SHANK2: variants seen among roughly 807,000 people sequenced by gnomAD.
SHANK2 encodes the protein SH3 and multiple ankyrin repeat domains 2.
SHANK2 carries 43 observed loss-of-function variants against 133.7 expected under a neutral mutation model. The observed-to-expected ratio is 0.32, with a 90% CI of 0.25 to 0.41. SHANK2 has a LOEUF of 0.41. Among genes scored for constraint, SHANK2 ranks in the 10% least tolerant of loss-of-function variants. The pLI is 1.00. For synonymous variants in SHANK2, 1,017 were observed against 952.8 expected (o/e 1.07, Z -1.24); for missense variants, 1,994 against 2,235.8 (o/e 0.89, Z 2.18).
chr11:71,138,396 G>A (rs1371918871), intron 3 of SHANK2, among the ~76,000 whole-genome samples: 2 of 152,212 alleles, frequency 1.3e-5, no homozygotes, highest in African/African-American at 4.8e-5. Context: ...TGCAAATGCG[G>A]TAATTATGTG....
chr11:70,637,452 G>A (rs1353202071), intron 17 of SHANK2, among the ~76,000 whole-genome samples: 2 of 152,086 alleles, frequency 1.3e-5, no homozygotes, highest in African/African-American at 4.8e-5. Context: ...CTCCTGGCCG[G>A]GCCACGGCCA....
chr11:71,057,971 C>T lies in SHANK2; in HGVS notation c.1030-1413G>A, dbSNP rs1049099981. Reference sequence around the variant, plus strand: ...GTCTGTCACCCAGGCTAGAGTGCAGCGGTGCGATCACAGCTCACAGCAGCC... The same window carrying T: ...GTCTGTCACCCAGGCTAGAGTGCAGTGGTGCGATCACAGCTCACAGCAGCC... On this transcript the variant is annotated intron_variant, in intron 9 of 25. Coordinates refer to ENST00000601538, the MANE Select transcript of SHANK2 (RefSeq NM_012309.5). Among the ~76,000 whole-genome samples the T allele has an allele frequency of 4.5e-3, 629 of 140,128 alleles. 3 individuals are homozygous for T. The highest frequency in any genetic ancestry group is 0.016 in the African/African-American group (563 of 34,640). The allele number at this position is 140,128 out of a possible 152,430, so 91.9% of individuals were successfully genotyped here.
intron 10 of SHANK2, among the ~76,000 whole-genome samples, chr11:70,950,793 A>G (rs1337780880): frequency 2.7e-5 from 4 of 145,694 alleles, no homozygotes; most frequent in Non-Finnish European, 4.6e-5. Context: ...GTGTGTGTGT[A>G]TGTGTGGGTG....
chr11:70,774,593 G>C (rs1947323470), intron 14 of SHANK2, among the ~76,000 whole-genome samples: 1 of 152,114 alleles, frequency 6.6e-6, no homozygotes, highest in Non-Finnish European at 1.5e-5. Flanking sequence ...GGGATTACAG[G>C]AGTGAGCCAC....
At chr11:70,666,072 G>A (rs574554889) in intron 15 of SHANK2, among the ~76,000 whole-genome samples, 4 of 152,282 alleles carry the variant, frequency 2.6e-5, no homozygotes, top group African/African-American at 7.2e-5. Context: ...AGGGAGAAAC[G>A]GATGTTGGGT....
At chr11:71,075,674 C>T (rs948689153) in intron 8 of SHANK2, among the ~76,000 whole-genome samples, 1 of 152,174 alleles carries the variant, frequency 6.6e-6, no homozygotes, top group Non-Finnish European at 1.5e-5. Context: ...TTCAGTTACC[C>T]AAGCTCCCCC....
rs879955620 is a variant in SHANK2, at chr11:70,813,055, C to T, written c.1494-5884G>A. ...ATTCATTCATCCAGCAAGTACTCTG[C>T]GGGTGGGCTGTGAGCCCATCGCCAT... On this transcript the variant is annotated intron_variant, in intron 12 of 25. Coordinates refer to ENST00000601538, the MANE Select transcript of SHANK2 (RefSeq NM_012309.5). Among the ~76,000 whole-genome samples the T allele has an allele frequency of 4.6e-5, 7 of 152,208 alleles. No homozygotes were observed. In the South Asian group the frequency reaches 6.2e-4, roughly 14 times the overall value.
intron 17 of SHANK2, among the ~76,000 whole-genome samples, chr11:70,640,316 G>C (rs1565205063): frequency 1.3e-5 from 2 of 152,214 alleles, no homozygotes; most frequent in Admixed American, 6.5e-5. Context: ...CAGAATCGCA[G>C]AGAGGAGAAG....
At chr11:70,710,820 C>T (rs1296811388) in intron 14 of SHANK2, among the ~76,000 whole-genome samples, 1 of 152,220 alleles carries the variant, frequency 6.6e-6, no homozygotes, top group Non-Finnish European at 1.5e-5. Context: ...CCCAGTCCAG[C>T]TGCCTGACTT....
intron 11 of SHANK2, among the ~76,000 whole-genome samples, chr11:70,843,402 T>A (rs1230583371): frequency 1.3e-5 from 2 of 151,568 alleles, no homozygotes; most frequent in African/African-American, 4.9e-5. Flanking sequence ...GAAGAGTTTA[T>A]GGATGGCTGG....
At chr11:71,157,631 A>G (rs1453162050) in intron 2 of SHANK2, among the ~76,000 whole-genome samples, 2 of 152,204 alleles carry the variant, frequency 1.3e-5, no homozygotes, top group Non-Finnish European at 1.5e-5. Flanking sequence ...GTTTCTGTCC[A>G]GGCTGCTGTA....
chr11:70,667,023 A>G (rs1555014980), intron 15 of SHANK2, among the ~76,000 whole-genome samples: 2 of 152,066 alleles, frequency 1.3e-5, no homozygotes, highest in Non-Finnish European at 2.9e-5. Flanking sequence ...CCCACCAAGT[A>G]CAGCTGTGCA....
intron 10 of SHANK2, among the ~76,000 whole-genome samples, chr11:70,934,258 A>AC (rs1255997813): frequency 6.6e-6 from 1 of 151,358 alleles, no homozygotes; most frequent in Non-Finnish European, 1.5e-5. Context: ...AAAAAAAAAA[A>AC]AAAAAACAGC....
chr11:70,831,838 T>C (rs781905481), intron 11 of SHANK2, among the ~76,000 whole-genome samples: 1 of 152,180 alleles, frequency 6.6e-6, no homozygotes, highest in Non-Finnish European at 1.5e-5. Context: ...TCAGTGCCCA[T>C]GTGGTTTGGA....
At chr11:71,121,303 C>T (rs1158922123) in intron 3 of SHANK2, among the ~76,000 whole-genome samples, 1 of 152,168 alleles carries the variant, frequency 6.6e-6, no homozygotes, top group Non-Finnish European at 1.5e-5. Context: ...CTGTGCCCCT[C>T]TAAATAAATG....
chr11:71,147,853 C>T (rs868975049), intron 2 of SHANK2, among the ~76,000 whole-genome samples: 1 of 152,176 alleles, frequency 6.6e-6, no homozygotes, highest in Non-Finnish European at 1.5e-5. Flanking sequence ...TGATAGGTAC[C>T]GTGTAAAAAC....
intron 10 of SHANK2, among the ~76,000 whole-genome samples, chr11:70,932,956 C>T (rs201859390): frequency 2.0e-5 from 3 of 152,164 alleles, no homozygotes; most frequent in East Asian, 1.9e-4. Flanking sequence ...ACAGTACAGC[C>T]GTTCCTGGAA....
rs187466934 is a variant in SHANK2, at chr11:70,823,499, T to C, written c.1175-2817A>G. ...GAGTTCACGGGGGACAGAGGTGGCA[T>C]TGGCAGAACTCATGAGGGACAGAGG... On this transcript the variant is annotated intron_variant, in intron 11 of 25. Coordinates refer to ENST00000601538, the MANE Select transcript of SHANK2 (RefSeq NM_012309.5). Among the ~76,000 whole-genome samples, 392 of 109,578 alleles carry C rather than the reference T, an allele frequency of 3.6e-3. 5 individuals carry two copies. Among genetic ancestry groups the C allele is most frequent in the African/African-American group, 0.013 (374 of 27,782 alleles). The allele number at this position is 109,578 out of a possible 152,430, so 71.9% of individuals were successfully genotyped here.
chr11:71,097,846 C>T (rs1951646524), intron 6 of SHANK2, among the ~76,000 whole-genome samples: 1 of 152,234 alleles, frequency 6.6e-6, no homozygotes, highest in African/African-American at 2.4e-5. Context: ...ATGTGTACGC[C>T]AGTGTATGTG....
Sources: gnomAD v4.1 joint callset for allele counts (sites outside exome capture counted in the v4.1 genomes callset) on GRCh38, gnomAD v4.1.1 for gene constraint, MANE v1.5 for transcripts, NCBI Gene and HGNC (gene_info 2026-07-23, HGNC 2026-07-21) for gene names.